Variants in NRG4 observed in about 807,000 individuals in gnomAD.
NRG4 encodes the protein pro-neuregulin-4, membrane-bound isoform.
Under a neutral mutation model 15.0 loss-of-function variants are expected in NRG4, and 10 were observed. That is an observed-to-expected ratio of 0.67 (90% CI 0.41 to 1.13). The LOEUF (loss-of-function observed/expected upper bound fraction) is 1.13, where lower values mean the gene tolerates loss of function less well. Ranked by LOEUF, NRG4 falls within the 50% of genes most tolerant of loss-of-function variation. The pLI, the probability that NRG4 is intolerant of heterozygous loss-of-function variation, is 0.00. For synonymous variants in NRG4, 41 were observed against 50.1 expected (o/e 0.82, Z 0.77); for missense variants, 139 against 140.2 (o/e 0.99, Z 0.04).
intron 2 of NRG4, among the ~76,000 whole-genome samples, chr15:76,056,099 T>C (rs2036144517): frequency 1.3e-5 from 2 of 152,200 alleles, no homozygotes; most frequent in African/African-American, 4.8e-5. Flanking sequence ...TGAATGTCGC[T>C]AGTTACTAAT....
chr15:76,002,120 C>A (rs746459304), intron 3 of NRG4, among the ~76,000 whole-genome samples: 2 of 152,066 alleles, frequency 1.3e-5, no homozygotes, highest in Non-Finnish European at 2.9e-5. Flanking sequence ...CCAGCTATTT[C>A]GAAAACTGTG....
At chr15:75,949,148 A>G (rs1465882925) in intron 5 of NRG4, among the ~76,000 whole-genome samples, 1 of 152,192 alleles carries the variant, frequency 6.6e-6, no homozygotes, top group Non-Finnish European at 1.5e-5. Context: ...CATTACCCTA[A>G]AAAAGATCAT....
At chr15:76,014,116 C>A (rs552629270), upstream of NRG4, among the ~76,000 whole-genome samples, 1 of 151,936 alleles carries the variant, frequency 6.6e-6, no homozygotes, top group Non-Finnish European at 1.5e-5. Context: ...TTTTTTCATA[C>A]GTTTGTTGGC....
chr15:76,038,429 C>T (rs965603262), intron 4 of NRG4, among the ~76,000 whole-genome samples: 1 of 152,216 alleles, frequency 6.6e-6, no homozygotes, highest in Non-Finnish European at 1.5e-5. Flanking sequence ...CACAAGCTAA[C>T]TGAAGAGCCC....
downstream of NRG4, chr15:75,940,675 A>C (rs2030859596): frequency 1.3e-5 from 2 of 152,126 alleles, no homozygotes; most frequent in Non-Finnish European, 2.9e-5. Flanking sequence ...GAGAACCTAG[A>C]AATAAACCCT....
At chr15:76,052,199 C>A (rs970610436) in intron 3 of NRG4, 3 of 150,884 alleles carry the variant, frequency 2.0e-5, no homozygotes, top group African/African-American at 4.9e-5. Flanking sequence ...TAAGCAAGAA[C>A]AGAATATTTA....
chr15:75,936,574 A>G (rs960061839), downstream of NRG4: 3 of 152,064 alleles, frequency 2.0e-5, no homozygotes, highest in Non-Finnish European at 4.4e-5. Flanking sequence ...ATATTTTGGT[A>G]TGGAAACTTT....
chr15:76,049,679 T>C (rs1269098836), intron 4 of NRG4, among the ~76,000 whole-genome samples: 4 of 151,104 alleles, frequency 2.6e-5, no homozygotes, highest in Non-Finnish European at 5.9e-5. Context: ...ATTTCTCCTC[T>C]TTCTCTGACT....
rs545478523 is a variant in NRG4 at position 75,994,744 on chromosome 15, G to A, written c.104+14456C>T. ...TACAAGAATGGTATATTAGCCACAAGGATCATATTTCTGAAAGTCAGGGCC... is the reference window on the plus strand; with the variant it reads ...TACAAGAATGGTATATTAGCCACAAAGATCATATTTCTGAAAGTCAGGGCC... On this transcript the variant is annotated intron_variant, in intron 3 of 5. Coordinates refer to ENST00000394907, the MANE Select transcript of NRG4 (RefSeq NM_138573.4). Among the ~76,000 whole-genome samples the A allele has an allele frequency of 9.9e-5, 15 of 152,240 alleles. No individual in the cohort carries two copies. In the South Asian group the frequency reaches 3.1e-3, roughly 32 times the overall value.
intron 3 of NRG4, among the ~76,000 whole-genome samples, chr15:75,995,023 T>C (rs770912113): frequency 6.6e-6 from 1 of 151,844 alleles, no homozygotes. Context: ...ACTCTGTCTC[T>C]ACAATAAATT....
At chr15:75,968,320 G>A (rs1217368554) in intron 3 of NRG4, among the ~76,000 whole-genome samples, 1 of 152,172 alleles carries the variant, frequency 6.6e-6, no homozygotes, top group Non-Finnish European at 1.5e-5. Context: ...GGGTGTGGTG[G>A]CTCACGCCTG....
chr15:75,962,389 CA>C (rs978538580), intron 3 of NRG4, among the ~76,000 whole-genome samples: 33 of 152,120 alleles, frequency 2.2e-4, no homozygotes, highest in Non-Finnish European at 4.4e-4. Context: ...ATTAAATAAT[CA>C]ATCCATTACC....
intron 3 of NRG4, among the ~76,000 whole-genome samples, chr15:76,003,038 A>G (rs2034471001): frequency 6.6e-6 from 1 of 152,152 alleles, no homozygotes; most frequent in Non-Finnish European, 1.5e-5. Context: ...TGCATGAAAC[A>G]TCAACCAAAA....
In NRG4 at chr15:75,974,884, GC is replaced by G. The variant is rs1244655858; in HGVS notation, c.105-12911del. Among the ~76,000 whole-genome samples the G allele has an allele frequency of 3.3e-5, 5 of 152,076 alleles. No homozygotes were observed. The South Asian group carries it at 1.0e-3, about 32-fold the overall frequency. On this transcript the variant is annotated intron_variant, in intron 3 of 5. Coordinates refer to ENST00000394907, the MANE Select transcript of NRG4 (RefSeq NM_138573.4). ...GTCTATTAGGTCTGCTTGGTCCAGA[GC>G]TTAGTTCAAGTTCTGAATATCCTTG...
chr15:75,972,879 T>C (rs2033171170), intron 3 of NRG4, among the ~76,000 whole-genome samples: 1 of 152,190 alleles, frequency 6.6e-6, no homozygotes, highest in Admixed American at 6.5e-5. Flanking sequence ...CATATGAAAT[T>C]TAAAGTAGGT....
chr15:75,940,677 A>G (rs1423823406), downstream of NRG4: 51 of 152,134 alleles, frequency 3.4e-4, no homozygotes, highest in Non-Finnish European at 4.4e-5. Flanking sequence ...GAACCTAGAA[A>G]TAAACCCTCT....
Position 75,943,445 on chromosome 15 carries a change from T to C in NRG4, c.*193A>G, listed in dbSNP as rs557511340. On this transcript the variant is annotated 3_prime_UTR_variant, in exon 6 of 6. Transcript: ENST00000394907. ...ACTGGTATCACCCCCTACTTAGCAG[T>C]TGCCGATGGACTGATGCACATTACA... 6.6e-4 allele frequency: 369 copies of C among 561,612 alleles called. No individual in the cohort carries two copies. The African/African-American group carries it at 6.6e-3, about 10-fold the overall frequency. The allele number at this position is 561,612 out of a possible 1,614,324, so 34.8% of individuals were successfully genotyped here. A position where few individuals can be genotyped will look rare whatever the true frequency, so the allele number is the denominator to read the frequency against.
intron 3 of NRG4, among the ~76,000 whole-genome samples, chr15:75,967,843 C>G (rs1295615652): frequency 6.6e-6 from 1 of 152,100 alleles, no homozygotes; most frequent in Non-Finnish European, 1.5e-5. Context: ...TCTAAATGAA[C>G]TACATGTTGT....
chr15:75,979,180 T>C (rs188323715), intron 3 of NRG4, among the ~76,000 whole-genome samples: 8 of 151,600 alleles, frequency 5.3e-5, no homozygotes, highest in African/African-American at 1.9e-4. Flanking sequence ...GAGGTCTTAC[T>C]AAAAAAAAAT....
Sources: allele counts gnomAD v4.1 joint callset (sites outside exome capture counted in the v4.1 genomes callset), GRCh38; gene constraint gnomAD v4.1.1; transcripts MANE v1.5; gene names NCBI Gene and HGNC (gene_info 2026-07-23, HGNC 2026-07-21).